FBXL5: variants seen among roughly 807,000 people sequenced by gnomAD.
FBXL5 encodes F-box and leucine rich repeat protein 5.
In FBXL5, 26 loss-of-function variants were observed where a neutral mutation model predicts 78.3. The ratio of observed to expected loss-of-function variants is 0.33; its 90% CI spans 0.24 to 0.46. FBXL5 has a LOEUF of 0.46. Ranked by LOEUF, FBXL5 falls within the 20% of genes least tolerant of loss-of-function variation. The pLI is 1.00. For synonymous variants in FBXL5, 295 were observed against 282.5 expected (o/e 1.04, Z -0.45); for missense variants, 710 against 829.2 (o/e 0.86, Z 1.77).
intron 6 of FBXL5, among the ~76,000 whole-genome samples, chr4:15,629,855 T>G (rs1176021687): frequency 1.3e-5 from 2 of 152,190 alleles, no homozygotes; most frequent in Admixed American, 1.3e-4. Flanking sequence ...CAAATTACTT[T>G]AAGCAAGTAA....
intron 1 of FBXL5, among the ~76,000 whole-genome samples, chr4:15,677,062 C>T (rs997343958): frequency 2.0e-5 from 3 of 152,050 alleles, no homozygotes; most frequent in Non-Finnish European, 2.9e-5. Context: ...TCGGATATAC[C>T]GCTAGATAGC....
In FBXL5 at chr4:15,636,454, G is replaced by T. The variant is rs377201270; in HGVS notation, c.766+40C>A. 5.2e-4 allele frequency: 741 copies of T among 1,415,858 alleles called. 5 individuals carry two copies. The Middle Eastern group carries it at 9.6e-3, about 18-fold the overall frequency. 87.7% of individuals were successfully genotyped at this position (1,415,858 alleles called of 1,614,324 possible). On this transcript the variant is annotated intron_variant, in intron 5 of 10. Transcript: ENST00000341285. ...ATTAATGTAAATGAATATTCATCTA[G>T]AAAAATACATGAAAATATTTTAAAA...
chr4:15,616,931 C>A (rs1023009768), intron 9 of FBXL5, among the ~76,000 whole-genome samples: 1 of 152,156 alleles, frequency 6.6e-6, no homozygotes, highest in African/African-American at 2.4e-5. Flanking sequence ...TGGCAAGCTG[C>A]CTCTTTCCCA....
chr4:15,630,603 A>T (rs1288209909), intron 6 of FBXL5, 63 bp downstream of exon 6: 1 of 1,373,668 alleles, frequency 7.3e-7, no homozygotes, highest in Non-Finnish European at 9.6e-7. Context: ...CCTAATAATT[A>T]TAAGTACTTA....
chr4:15,639,566 A>T (rs1212083499), intron 3 of FBXL5, among the ~76,000 whole-genome samples: 1 of 152,210 alleles, frequency 6.6e-6, no homozygotes, highest in Non-Finnish European at 1.5e-5. Flanking sequence ...CAATTTACAG[A>T]ATTAGAATCT....
At chr4:15,672,994 T>G (rs1265201960) in intron 1 of FBXL5, among the ~76,000 whole-genome samples, 2 of 152,166 alleles carry the variant, frequency 1.3e-5, no homozygotes, top group Non-Finnish European at 2.9e-5. Flanking sequence ...CACTTCCAGA[T>G]TTTGTCACCC....
chr4:15,638,463 T>C, intron 4 of FBXL5, 45 bp downstream of exon 4: 1 of 1,397,580 alleles, frequency 7.2e-7, no homozygotes, highest in Non-Finnish European at 9.6e-7. Flanking sequence ...AAGATGTCAA[T>C]GACCTTACAA....
At chr4:15,655,664 C>T (rs1577496990), upstream of FBXL5, among the ~76,000 whole-genome samples, 2 of 152,338 alleles carry the variant, frequency 1.3e-5, no homozygotes, top group South Asian at 4.1e-4. Context: ...CCGTTGCTGC[C>T]CTGCCCACCA....
chr4:15,623,849 AT>A (rs1712733229), intron 9 of FBXL5, among the ~76,000 whole-genome samples: 1 of 151,554 alleles, frequency 6.6e-6, no homozygotes, highest in African/African-American at 2.4e-5. Context: ...TTGAGACGGA[AT>A]TTCGCTCTGT....
chr4:15,670,817 AT>A (rs1413474832), intron 1 of FBXL5, among the ~76,000 whole-genome samples: 5 of 149,504 alleles, frequency 3.3e-5, no homozygotes, highest in Non-Finnish European at 7.4e-5. Flanking sequence ...TTCCTTTAAC[AT>A]TTCTGGTACA....
Position 15,640,834 on chromosome 4 carries a change from T to A in FBXL5, c.350A>T (p.Glu117Val). The A allele has an allele frequency of 1.9e-6, 3 of 1,568,834 alleles. No homozygotes were observed. The highest frequency in any genetic ancestry group is 2.4e-5 in the East Asian group (1 of 41,670). ...AGGAAGAAAATCTCTTGTAAAAGCC[T>A]CCAATCTCTCTTTCAGTTGTTTTGC... is the stretch of plus-strand genomic sequence containing the variant. ...NYAKQLKERL[E>V]AFTRDFLPHM... The change falls in exon 3 of 11, where the codon GAG becomes GTG. Residue 117 changes from glutamate to valine, a missense_variant. By Grantham distance (121) the Glu-to-Val change is moderately radical. Around this residue, in one of 4 missense-constraint regions of FBXL5, gnomAD observed 132 missense variants for 156.9 expected, o/e 0.84. Transcript: ENST00000341285.
chr4:15,651,560 T>A (rs1219453969), intron 1 of FBXL5, among the ~76,000 whole-genome samples: 2 of 152,164 alleles, frequency 1.3e-5, no homozygotes, highest in African/African-American at 2.4e-5. Context: ...GTCAATAAAT[T>A]GTTACAGGTA....
chr4:15,653,038 G>C (rs1039702377), intron 1 of FBXL5, among the ~76,000 whole-genome samples: 6 of 152,052 alleles, frequency 3.9e-5, no homozygotes, highest in Non-Finnish European at 8.8e-5. Context: ...GCTCCCAAAG[G>C]ACATCCTAAG....
chr4:15,628,162 AT>A, intron 6 of FBXL5, 129 bp from the exon 7 acceptor site: 4 of 885,182 alleles, frequency 4.5e-6, no homozygotes, highest in Non-Finnish European at 5.0e-6. Context: ...AAACCATCCC[AT>A]TTTTAGGCAA....
chr4:15,644,160 T>G (rs1215685932), intron 2 of FBXL5, among the ~76,000 whole-genome samples: 1 of 152,238 alleles, frequency 6.6e-6, no homozygotes, highest in Non-Finnish European at 1.5e-5. Context: ...CCTCTTGCCT[T>G]CAGCAAGAAT....
chr4:15,677,492 A>G (rs1160041637), intron 1 of FBXL5, among the ~76,000 whole-genome samples: 1 of 152,198 alleles, frequency 6.6e-6, no homozygotes, highest in Admixed American at 6.5e-5. Context: ...TGTTTACAGG[A>G]TTAAAACTTT....
intron 9 of FBXL5, among the ~76,000 whole-genome samples, chr4:15,613,490 T>C (rs1001143782): frequency 3.3e-5 from 5 of 152,120 alleles, no homozygotes; most frequent in Admixed American, 2.0e-4. Flanking sequence ...CCAGAGAAGT[T>C]TTCCTTGATT....
intron 1 of FBXL5, among the ~76,000 whole-genome samples, chr4:15,675,857 A>G (rs1449021962): frequency 6.6e-6 from 1 of 152,170 alleles, no homozygotes; most frequent in Non-Finnish European, 1.5e-5. Context: ...TGCTGGGATT[A>G]CAGGCATGAG....
At chr4:15,647,611 A>G (rs1715507725) in intron 1 of FBXL5, among the ~76,000 whole-genome samples, 1 of 152,218 alleles carries the variant, frequency 6.6e-6, no homozygotes. Context: ...TAACACATTA[A>G]GGTAAAGATT....
Sources: allele counts gnomAD v4.1 joint callset (sites outside exome capture counted in the v4.1 genomes callset), GRCh38; gene constraint gnomAD v4.1.1; regional missense constraint gnomAD v4.1.1; transcripts MANE v1.5; gene names NCBI Gene and HGNC (gene_info 2026-07-23, HGNC 2026-07-21).